Variants in GLRA2 observed in about 807,000 individuals in gnomAD.
GLRA2 encodes glycine receptor alpha 2.
Under a neutral mutation model 31.6 loss-of-function variants are expected in GLRA2, and 11 were observed. That is an observed-to-expected ratio of 0.35 (90% CI 0.22 to 0.58). The LOEUF is 0.58. Ranked by LOEUF, GLRA2 falls within the 20% of genes least tolerant of loss-of-function variation. The pLI is 0.84. For missense variants in GLRA2, 212 were observed against 351.8 expected (o/e 0.60, Z 3.18); for synonymous variants, 132 against 134.0 (o/e 0.99, Z 0.10).
At chrX:14,715,969 AATT>A (rs1404047900) in intron 8 of GLRA2, among the ~76,000 whole-genome samples, 2 of 111,847 alleles carry the variant, frequency 1.8e-5, no homozygotes, top group Non-Finnish European at 3.8e-5. Context: ...CTTGTTTAAA[AATT>A]ATTATGAATG....
chrX:14,633,955 A>C (rs1446470198), intron 7 of GLRA2, among the ~76,000 whole-genome samples: 2 of 111,112 alleles, frequency 1.8e-5, no homozygotes, highest in African/African-American at 3.3e-5. Flanking sequence ...ATTTTTATTT[A>C]TTTAATTTTT....
intron 8 of GLRA2, among the ~76,000 whole-genome samples, chrX:14,699,220 C>T (rs1159171550): frequency 8.9e-6 from 1 of 111,964 alleles, no homozygotes; most frequent in East Asian, 2.8e-4. Flanking sequence ...AACAACTTCT[C>T]TACAATGCAG....
At chrX:14,487,387 TAAAAAAAAAAAAAAA>T in the GLRA2 span, among the ~76,000 whole-genome samples, 3 of 27,946 alleles carry the variant, frequency 1.1e-4, no homozygotes, top group East Asian at 1.1e-3. Context: ...TGGTTTTCTG[TAAAAAAAAAAAAAAA>T]AAAAAAAAAA....
chrX:14,621,368 CT>C (rs370909021), intron 7 of GLRA2, among the ~76,000 whole-genome samples: 9 of 106,507 alleles, frequency 8.5e-5, no homozygotes, highest in Admixed American at 2.0e-4. Flanking sequence ...ATTATTTGTT[CT>C]TTTTTTTTTA....
At chrX:14,486,236 CA>C in the GLRA2 span, among the ~76,000 whole-genome samples, 1 of 111,350 alleles carries the variant, frequency 9.0e-6, no homozygotes, top group Admixed American at 9.6e-5. Context: ...CATCTTACAC[CA>C]TACACAAAAA....
At chrX:14,496,194 C>G in the GLRA2 span, among the ~76,000 whole-genome samples, 10 of 111,321 alleles carry the variant, frequency 9.0e-5, 1 homozygote, top group Admixed American at 2.9e-4. Flanking sequence ...GCCCAGAATT[C>G]CATATTGACA....
intron 7 of GLRA2, among the ~76,000 whole-genome samples, chrX:14,681,576 G>C (rs753390348): frequency 9.0e-6 from 1 of 110,725 alleles, no homozygotes; most frequent in Non-Finnish European, 1.9e-5. Flanking sequence ...TACAGTCTAA[G>C]AGTAGGGTCA....
intron 2 of GLRA2, 134 bp downstream of exon 2, chrX:14,532,506 T>A (rs2089270723): frequency 2.8e-6 from 1 of 351,148 alleles, no homozygotes; most frequent in Non-Finnish European, 4.8e-6. Context: ...TATTTTGGTA[T>A]TCTTTTGCGT....
chrX:14,622,703 A>G (rs1428400400), intron 7 of GLRA2, among the ~76,000 whole-genome samples: 7 of 111,480 alleles, frequency 6.3e-5, no homozygotes, highest in African/African-American at 2.0e-4. Context: ...GTTCTGTTCC[A>G]TTGGTCTATA....
At position 14,730,193 on chromosome X, in the gene GLRA2, CT is replaced by C; in HGVS notation, c.1081-11del. 1 of 1,184,965 alleles carries C rather than the reference CT, an allele frequency of 8.4e-7. No homozygotes were observed. Among genetic ancestry groups the C allele is most frequent in the Non-Finnish European group, 1.1e-6 (1 of 872,241 alleles). On this transcript the variant is annotated splice_polypyrimidine_tract_variant and intron_variant, in intron 8 of 8. Transcript: ENST00000218075. ...GACAACCAATCTGTGCTTCCTCTGT[CT>C]TTATTCCGTCAGGAAGAAGACGTTA...
chrX:14,724,626 C>CAAAAAAAAA (rs758722703), intron 8 of GLRA2, among the ~76,000 whole-genome samples: 11 of 49,581 alleles, frequency 2.2e-4, no homozygotes, highest in East Asian at 1.9e-3. Context: ...AACTCTGTCT[C>CAAAAAAAAA]AAAAAAAAAA....
chrX:14,451,634 ACT>A, the GLRA2 span, among the ~76,000 whole-genome samples: 2 of 74,938 alleles, frequency 2.7e-5, no homozygotes, highest in African/African-American at 1.2e-4. Flanking sequence ...ACAGAGTGAG[ACT>A]CTGTCTCCAA....
chrX:14,601,467 C>T (rs1320670287), intron 4 of GLRA2, among the ~76,000 whole-genome samples: 3 of 111,650 alleles, frequency 2.7e-5, no homozygotes, highest in African/African-American at 9.8e-5. Context: ...GATGGGAAAG[C>T]TGTTATATGA....
chrX:14,504,143 C>A, the GLRA2 span, among the ~76,000 whole-genome samples: 1 of 111,899 alleles, frequency 8.9e-6, no homozygotes. Flanking sequence ...ATGTCTGTCT[C>A]CCTATTCACA....
the GLRA2 span, among the ~76,000 whole-genome samples, chrX:14,469,649 A>G: frequency 1.1e-5 from 1 of 93,737 alleles, no homozygotes; most frequent in South Asian, 5.8e-4. Flanking sequence ...GAACAATGAG[A>G]ATACATGGAC....
At chrX:14,673,208 G>A (rs1223224148) in intron 7 of GLRA2, among the ~76,000 whole-genome samples, 1 of 111,935 alleles carries the variant, frequency 8.9e-6, no homozygotes, top group East Asian at 2.8e-4. Flanking sequence ...CATTGGTGGA[G>A]AAGTTCAGCA....
chrX:14,669,283 C>T (rs759364809), intron 7 of GLRA2, among the ~76,000 whole-genome samples: 1 of 112,147 alleles, frequency 8.9e-6, no homozygotes, highest in South Asian at 3.7e-4. Context: ...TGGCTATTTT[C>T]ACAGGCTGGC....
intron 6 of GLRA2, among the ~76,000 whole-genome samples, chrX:14,608,508 T>C (rs780023075): frequency 9.0e-6 from 1 of 111,446 alleles, no homozygotes; most frequent in African/African-American, 3.2e-5. Context: ...TGTACTACTT[T>C]GGAGGAAATG....
At chrX:14,488,606 C>T in the GLRA2 span, among the ~76,000 whole-genome samples, 1 of 112,312 alleles carries the variant, frequency 8.9e-6, no homozygotes, top group Non-Finnish European at 1.9e-5. Context: ...GTTTGCATGG[C>T]CTGCAGTCCT....
Sources: gnomAD v4.1 joint callset for allele counts (sites outside exome capture counted in the v4.1 genomes callset) on GRCh38, gnomAD v4.1.1 for gene constraint, MANE v1.5 for transcripts, NCBI Gene and HGNC (gene_info 2026-07-23, HGNC 2026-07-21) for gene names.